Variants in PCLO observed in about 807,000 individuals in gnomAD.
PCLO encodes piccolo presynaptic cytomatrix protein, also known as protein piccolo.
In PCLO, 82 loss-of-function variants were observed where a neutral mutation model predicts 427.5. The ratio of observed to expected loss-of-function variants is 0.19; its 90% confidence interval spans 0.16 to 0.23. The LOEUF is 0.23. Among genes scored for constraint, PCLO ranks in the 10% least tolerant of loss-of-function variants. The pLI, the probability that PCLO is intolerant of heterozygous loss-of-function variation, is 1.00. For missense variants in PCLO, 6,239 were observed against 6,115.9 expected (o/e 1.02, Z -0.67); for synonymous variants, 2,357 against 2,155.4 (o/e 1.09, Z -2.59).
chr7:82,821,497 G>C, intron 20 of PCLO: 1 of 985,060 alleles, frequency 1.0e-6, no homozygotes, highest in Non-Finnish European at 1.2e-6. Flanking sequence ...GGGAGATGGA[G>C]AGAACAATGA....
intron 3 of PCLO, among the ~76,000 whole-genome samples, chr7:83,024,843 T>C (rs575623988): frequency 1.4e-3 from 209 of 151,926 alleles, no homozygotes; most frequent in Non-Finnish European, 1.9e-3. Context: ...ACAGCAGGGG[T>C]ACACTGACAC....
In PCLO at chr7:82,926,096, G is replaced by A. The variant is rs10246713; in HGVS notation, c.11113-9223C>T. 3.3e-3 allele frequency among the ~76,000 whole-genome samples: 501 copies of A among 152,088 alleles called. 2 individuals are homozygous for A. The highest frequency in any genetic ancestry group is 0.014 in the Middle Eastern group (4 of 294). On this transcript the variant is annotated intron_variant, in intron 6 of 24. Transcript: ENST00000333891. The stretch of plus-strand genomic sequence containing the variant: ...AAGGAAATTCTAAATGATACCATTC[G>A]TGAAAAAATACTTTCAACATGAATA...
chr7:83,128,324 T>C (rs1388428366), intron 3 of PCLO, among the ~76,000 whole-genome samples: 1 of 152,128 alleles, frequency 6.6e-6, no homozygotes, highest in Non-Finnish European at 1.5e-5. Context: ...AAAATGTCAT[T>C]TCTATATATA....
rs750549471 is a variant in PCLO at position 83,134,875 on chromosome 7, G to C, written c.2675C>G (p.Pro892Arg). ...CTCCTGAGGCTTTGGGGACTGTTGAGGTGTGGGGACAGTTTGGCCAGCGGT... is the reference window on the plus strand; with the variant it reads ...CTCCTGAGGCTTTGGGGACTGTTGACGTGTGGGGACAGTTTGGCCAGCGGT... ...RPTAGQTVPT[P>R]QQSPKPQEQS... is the part of the protein sequence containing the mutation. Residue 892 changes from proline to arginine, a missense_variant, in exon 3 of 25, where the codon CCT becomes CGT. This residue lies in a region of PCLO where 4,677 missense variants were observed against 4,468.4 expected (regional missense o/e 1.05). Coordinates refer to ENST00000333891, the MANE Select transcript of PCLO (RefSeq NM_033026.6). 1 of 1,606,386 alleles carries C rather than the reference G, an allele frequency of 6.2e-7. No individual in the cohort carries two copies. The highest frequency in any genetic ancestry group is 8.5e-7 in the Non-Finnish European group (1 of 1,176,122).
At chr7:83,046,530 CT>C (rs1335552962) in intron 3 of PCLO, among the ~76,000 whole-genome samples, 1 of 152,066 alleles carries the variant, frequency 6.6e-6, no homozygotes, top group Admixed American at 6.6e-5. Context: ...CACTGTTTAT[CT>C]AAGTGACTCT....
At chr7:82,901,866 C>T (rs1794049543) in intron 9 of PCLO, among the ~76,000 whole-genome samples, 1 of 151,878 alleles carries the variant, frequency 6.6e-6, no homozygotes, top group Non-Finnish European at 1.5e-5. Context: ...CAAATCAAAA[C>T]AACAATGAGA....
intron 3 of PCLO, among the ~76,000 whole-genome samples, chr7:83,028,940 C>T (rs1788582296): frequency 6.6e-6 from 1 of 151,944 alleles, no homozygotes; most frequent in Admixed American, 6.6e-5. Flanking sequence ...TTCCTTACAC[C>T]TTATACAAAA....
At chr7:82,847,091 G>A (rs775778753) in intron 11 of PCLO, 48 bp downstream of exon 11, 19 of 989,580 alleles carry the variant, frequency 1.9e-5, no homozygotes, top group Non-Finnish European at 2.8e-5. Flanking sequence ...AATTAAAAGA[G>A]TCATGGATAG....
chr7:83,079,151 G>T (rs1230583199), intron 3 of PCLO, among the ~76,000 whole-genome samples: 1 of 151,990 alleles, frequency 6.6e-6, no homozygotes, highest in Non-Finnish European at 1.5e-5. Context: ...TTAAAATTAG[G>T]ACTACATTAA....
Position 82,838,204 on chromosome 7 carries a change from T to C in PCLO, c.14222+14A>G. Reference sequence around the variant, plus strand: ...TTTAAAGCATGAGATGAAGTACTTCTTAATTTTACTTACCCTCTCCCTGGA... The same window carrying C: ...TTTAAAGCATGAGATGAAGTACTTCCTAATTTTACTTACCCTCTCCCTGGA... On this transcript the variant is annotated intron_variant, in intron 15 of 24. Coordinates refer to ENST00000333891, the MANE Select transcript of PCLO (RefSeq NM_033026.6). 1 of 1,586,142 alleles carries C rather than the reference T, an allele frequency of 6.3e-7. No individual in the cohort carries two copies. The highest frequency in any genetic ancestry group is 1.1e-5 in the South Asian group (1 of 88,068).
intron 16 of PCLO, among the ~76,000 whole-genome samples, 163 bp downstream of exon 16, chr7:82,835,504 T>C (rs898432451): frequency 6.6e-6 from 1 of 152,202 alleles, no homozygotes; most frequent in Non-Finnish European, 1.5e-5. Context: ...TTTAGAAATA[T>C]GCTCAGAACA....
intron 23 of PCLO, 49 bp from the exon 24 acceptor site, chr7:82,760,833 C>A: frequency 1.9e-6 from 2 of 1,026,694 alleles, no homozygotes; most frequent in Non-Finnish European, 2.8e-6. Flanking sequence ...ATATAAATTT[C>A]TATTGAAAGA....
chr7:82,984,637 AT>A (rs1301092498), intron 3 of PCLO, among the ~76,000 whole-genome samples: 3 of 151,808 alleles, frequency 2.0e-5, no homozygotes, highest in Admixed American at 6.6e-5. Flanking sequence ...CTGTTTCGTT[AT>A]TTTGTTTATT....
intron 20 of PCLO, among the ~76,000 whole-genome samples, chr7:82,819,911 T>C (rs979847845): frequency 2.6e-5 from 4 of 152,186 alleles, no homozygotes; most frequent in Non-Finnish European, 5.9e-5. Context: ...GGGCAAATAG[T>C]ACTATCCTAT....
intron 3 of PCLO, among the ~76,000 whole-genome samples, chr7:82,991,960 G>A (rs1277425943): frequency 1.3e-5 from 2 of 151,988 alleles, no homozygotes; most frequent in Non-Finnish European, 2.9e-5. Context: ...TCTATTAGTG[G>A]CTCAAGAGAC....
At chr7:83,098,041 A>G (rs761316705) in intron 3 of PCLO, among the ~76,000 whole-genome samples, 1 of 152,270 alleles carries the variant, frequency 6.6e-6, no homozygotes, top group African/African-American at 2.4e-5. Context: ...CTACATTGTT[A>G]TTAAGGAAAC....
intron 3 of PCLO, among the ~76,000 whole-genome samples, chr7:83,116,826 C>G (rs1429308962): frequency 1.3e-5 from 2 of 152,168 alleles, no homozygotes; most frequent in East Asian, 3.9e-4. Flanking sequence ...ATCCTACTCT[C>G]CACTTCTGTG....
chr7:82,859,308 T>C (rs1163912914), intron 10 of PCLO, among the ~76,000 whole-genome samples: 1 of 152,218 alleles, frequency 6.6e-6, no homozygotes, highest in Non-Finnish European at 1.5e-5. Context: ...GATCCAGTGC[T>C]GTGCTGACTT....
chr7:83,085,088 T>C (rs1176834542), intron 3 of PCLO, among the ~76,000 whole-genome samples: 1 of 152,090 alleles, frequency 6.6e-6, no homozygotes, highest in East Asian at 1.9e-4. Context: ...GGCTCAAAGA[T>C]CATAAAAACA....
Sources: gnomAD v4.1 joint callset for allele counts (sites outside exome capture counted in the v4.1 genomes callset) on GRCh38, gnomAD v4.1.1 for gene constraint, gnomAD v4.1.1 regional missense constraint, MANE v1.5 for transcripts, NCBI Gene and HGNC (gene_info 2026-07-23, HGNC 2026-07-21) for gene names.